WRN: variants seen among roughly 807,000 people sequenced by gnomAD.
WRN encodes the protein WRN RecQ like helicase.
Under a neutral mutation model 180.7 loss-of-function variants are expected in WRN, and 149 were observed. That is an observed-to-expected ratio of 0.82 (90% CI 0.72 to 0.94). The LOEUF is 0.94. WRN is among the 40% of genes least tolerant of loss of function. WRN has a pLI of 0.00. For synonymous variants in WRN, 548 were observed against 568.9 expected, an observed-to-expected ratio of 0.96 and a Z score of 0.52; for missense variants, 1,661 against 1,700.1, an observed-to-expected ratio of 0.98 and a Z score of 0.40.
chr8:31,047,269 A>G (rs1811904595), intron 1 of WRN, among the ~76,000 whole-genome samples: 1 of 151,782 alleles, frequency 6.6e-6, no homozygotes, highest in Non-Finnish European at 1.5e-5. Flanking sequence ...CAGTCTCCCA[A>G]GTAGCTGGGA....
At chr8:31,104,762 C>T (rs1801027977) in intron 18 of WRN, among the ~76,000 whole-genome samples, 1 of 152,164 alleles carries the variant, frequency 6.6e-6, no homozygotes. Context: ...CTGTCCTTCC[C>T]CTGTTAAATT....
intron 2 of WRN, 68 bp downstream of exon 2, chr8:31,058,611 G>T (rs1563326402): frequency 1.4e-6 from 2 of 1,476,602 alleles, no homozygotes; most frequent in East Asian, 4.8e-5. Context: ...CAAAGAGTCA[G>T]TTGTTACTTG....
At chr8:31,125,537 G>GATAGATATATAT (rs1554529384) in intron 23 of WRN, among the ~76,000 whole-genome samples, 1 of 63,764 alleles carries the variant, frequency 1.6e-5, no homozygotes, top group Non-Finnish European at 3.0e-5. Context: ...ATATTATGGA[G>GATAGATATATAT]ATATATATAT....
At chr8:31,074,816 G>A (rs1205187579) in intron 7 of WRN, among the ~76,000 whole-genome samples, 4 of 152,178 alleles carry the variant, frequency 2.6e-5, no homozygotes. Context: ...GGAAGGCTCA[G>A]TGGGCAGTGG....
At chr8:31,098,744 A>T (rs1325265223) in intron 17 of WRN, among the ~76,000 whole-genome samples, 1 of 152,188 alleles carries the variant, frequency 6.6e-6, no homozygotes, top group East Asian at 1.9e-4. Flanking sequence ...CAGCAAACAT[A>T]GTTTTATAGG....
At chr8:31,149,455 GTTTTTTTTTTTTTTTTTTTTT>G (rs71208105) in intron 30 of WRN, among the ~76,000 whole-genome samples, 4 of 51,976 alleles carry the variant, frequency 7.7e-5, no homozygotes, top group Non-Finnish European at 1.3e-4. Context: ...TAATAGAGGT[GTTTTTTTTTTTTTTTTTTTTT>G]TTTTTTTTTT....
intron 21 of WRN, among the ~76,000 whole-genome samples, chr8:31,122,223 A>T (rs946373572): frequency 1.3e-5 from 2 of 152,006 alleles, no homozygotes; most frequent in African/African-American, 4.8e-5. Flanking sequence ...GAGGAAACTA[A>T]AACTATAGGA....
At chr8:31,099,600 C>G (rs1814135231) in intron 17 of WRN, among the ~76,000 whole-genome samples, 1 of 147,410 alleles carries the variant, frequency 6.8e-6, no homozygotes, top group African/African-American at 2.5e-5. Flanking sequence ...TCTCCACACT[C>G]TCTTAGGACT....
Position 31,120,238 on chromosome 8 carries a change from C to G in WRN, c.2449-5C>G. On this transcript the variant is annotated splice_polypyrimidine_tract_variant and splice_region_variant and intron_variant, in intron 20 of 34. Coordinates refer to ENST00000298139, the MANE Select transcript of WRN (RefSeq NM_000553.6). ...TTGTCAAACTGTGTTGTGATTTGTT[C>G]TCAGTGTGTCATAGCTACCATAGCT... 1 of 1,612,316 alleles carries G rather than the reference C, an allele frequency of 6.2e-7. No homozygotes were observed.
intron 34 of WRN, 78 bp from the exon 35 acceptor site, chr8:31,172,917 T>C (rs2130529566): frequency 7.8e-7 from 1 of 1,281,008 alleles, no homozygotes; most frequent in South Asian, 1.2e-5. Context: ...ATTCAGGAAC[T>C]TATGTTACTT....
At chr8:31,160,565 A>G (rs1265020780) in intron 33 of WRN, among the ~76,000 whole-genome samples, 1 of 152,136 alleles carries the variant, frequency 6.6e-6, no homozygotes, top group Non-Finnish European at 1.5e-5. Context: ...AAAGCCAAAG[A>G]CTCAGATGTC....
intron 1 of WRN, among the ~76,000 whole-genome samples, chr8:31,045,236 A>G (rs527828815): frequency 5.9e-5 from 9 of 152,310 alleles, no homozygotes; most frequent in African/African-American, 2.2e-4. Context: ...ACGGTGTACA[A>G]CATGATGTTT....
intron 21 of WRN, among the ~76,000 whole-genome samples, chr8:31,123,467 G>A (rs1554528955): frequency 6.6e-6 from 1 of 152,020 alleles, no homozygotes; most frequent in Non-Finnish European, 1.5e-5. Context: ...GTCAACAGTT[G>A]GAAGAGACTT....
Position 31,140,003 on chromosome 8 carries a change from G to GTTTTTTTTTTT in WRN, c.2968-1407_2968-1397dup, listed in dbSNP as rs71539917. ...AAGCTCTATGTTTGTATACTTCTTT[G>GTTTTTTTTTTT]TTTTTTTTTTTTTTTTTTTTTTTTT... is the stretch of plus-strand genomic sequence containing the variant. On this transcript the variant is annotated intron_variant, in intron 24 of 34. Coordinates refer to ENST00000298139, the MANE Select transcript of WRN (RefSeq NM_000553.6). Among the ~76,000 whole-genome samples the GTTTTTTTTTTT allele has an allele frequency of 1.4e-3, 87 of 62,102 alleles. 14 individuals are homozygous for GTTTTTTTTTTT. Among genetic ancestry groups the GTTTTTTTTTTT allele is most frequent in the Non-Finnish European group, 1.8e-3 (62 of 34,592 alleles). 40.7% of individuals were successfully genotyped at this position (62,102 alleles called of 152,430 possible). A position where few individuals can be genotyped will look rare whatever the true frequency, so the allele number is the denominator to read the frequency against.
At chr8:31,163,845 C>A (rs1246925961) in intron 33 of WRN, among the ~76,000 whole-genome samples, 2 of 146,608 alleles carry the variant, frequency 1.4e-5, no homozygotes, top group Non-Finnish European at 3.0e-5. Context: ...GTTGTGATAA[C>A]CATGAGCTCT....
intron 34 of WRN, among the ~76,000 whole-genome samples, chr8:31,168,622 T>C (rs917858766): frequency 2.9e-4 from 41 of 141,472 alleles, no homozygotes; most frequent in African/African-American, 9.4e-4. Flanking sequence ...GTGTTGGGGC[T>C]GGGAAGTAGA....
At chr8:31,069,762 C>T (rs933212232) in intron 7 of WRN, among the ~76,000 whole-genome samples, 6 of 151,986 alleles carry the variant, frequency 3.9e-5, no homozygotes, top group East Asian at 1.9e-4. Context: ...GGCAGGTGAT[C>T]GGTTTTTTAA....
At position 31,114,892 on chromosome 8, in the gene WRN, AG is replaced by A. The variant is rs753744778; in HGVS notation, c.2274-1460del. On this transcript the variant is annotated intron_variant, in intron 19 of 34. Coordinates refer to ENST00000298139, the MANE Select transcript of WRN (RefSeq NM_000553.6). The stretch of plus-strand genomic sequence containing the variant: ...TCTTTGAAAACATGTTTTTAAAATA[AG>A]GTTTTTTTTTTTTTTTTTTTGACAT... Among the ~76,000 whole-genome samples the A allele has an allele frequency of 8.7e-3, 1,237 of 141,388 alleles. 82 individuals are homozygous for A. The highest frequency in any genetic ancestry group is 0.022 in the African/African-American group (833 of 38,286). 92.8% of individuals were successfully genotyped at this position (141,388 alleles called of 152,430 possible). A position where few individuals can be genotyped will look rare whatever the true frequency, so the allele number is the denominator to read the frequency against.
Position 31,176,015 on chromosome 8 carries a change from G to T in WRN, c.*2913G>T, listed in dbSNP as rs1050751711. Among the ~76,000 whole-genome samples the T allele has an allele frequency of 3.9e-5, 6 of 151,982 alleles. No individual in the cohort carries two copies. The highest frequency in any genetic ancestry group is 2.6e-4 in the Admixed American group (4 of 15,264). ...GATTTTTTTTTAAGAGTATGGAAGG[G>T]TTCTCAGACCTAAGAGATTGAGAAA... On this transcript the variant is annotated 3_prime_UTR_variant, in exon 35 of 35. Transcript: ENST00000298139.
Sources: allele counts gnomAD v4.1 joint callset (sites outside exome capture counted in the v4.1 genomes callset), GRCh38; gene constraint gnomAD v4.1.1; transcripts MANE v1.5; gene names NCBI Gene and HGNC (gene_info 2026-07-23, HGNC 2026-07-21).